RPN2: variants seen among roughly 807,000 people sequenced by gnomAD.
RPN2 encodes dolichyl-diphosphooligosaccharide--protein glycosyltransferase subunit 2.
Under a neutral mutation model 71.4 loss-of-function variants are expected in RPN2, and 29 were observed. That is an observed-to-expected ratio of 0.41 (90% CI 0.30 to 0.55). RPN2 has a LOEUF of 0.55. RPN2 is among the 20% of genes least tolerant of loss of function. The pLI, the probability that RPN2 is intolerant of heterozygous loss-of-function variation, is 0.35. For synonymous variants in RPN2, 308 were observed against 305.0 expected, an observed-to-expected ratio of 1.01 and a Z score of -0.10; for missense variants, 726 against 774.1, an observed-to-expected ratio of 0.94 and a Z score of 0.74.
chr20:37,183,524 T>C (rs1423884074), intron 1 of RPN2, among the ~76,000 whole-genome samples: 2 of 152,224 alleles, frequency 1.3e-5, no homozygotes, highest in East Asian at 3.8e-4. Flanking sequence ...CGTGTAATTG[T>C]ACCTGAGGTA....
At position 37,198,499 on chromosome 20, in the gene RPN2, C is replaced by T; in HGVS notation, c.303+7C>T. 2 of 1,614,126 alleles carry T rather than the reference C, an allele frequency of 1.2e-6. No homozygotes were observed. Among genetic ancestry groups the T allele is most frequent in the Non-Finnish European group, 1.7e-6 (2 of 1,180,032 alleles). The stretch of plus-strand genomic sequence containing the variant: ...GGCCCTCTCAGGATGTGAGGTGAGT[C>T]CGGGTTCCTACGCTGACAATGACTT... On this transcript the variant is annotated splice_region_variant and intron_variant, in intron 3 of 16. Transcript: ENST00000237530.
At chr20:37,214,188 A>C (rs559572245) in intron 9 of RPN2, among the ~76,000 whole-genome samples, 3 of 152,254 alleles carry the variant, frequency 2.0e-5, no homozygotes, top group African/African-American at 7.2e-5. Context: ...TTAAACTCTT[A>C]AAGTGTTTTG....
At chr20:37,207,943 C>G (rs2067555131) in intron 7 of RPN2, among the ~76,000 whole-genome samples, 1 of 152,088 alleles carries the variant, frequency 6.6e-6, no homozygotes, top group South Asian at 2.1e-4. Context: ...CAGGTATGAG[C>G]CACTGTGCCT....
At chr20:37,202,709 T>TTCTGG (rs1319912831) in intron 4 of RPN2, among the ~76,000 whole-genome samples, 1 of 152,176 alleles carries the variant, frequency 6.6e-6, no homozygotes, top group African/African-American at 2.4e-5. Context: ...AATATATGAA[T>TTCTGG]AAGCCATAAA....
intron 4 of RPN2, among the ~76,000 whole-genome samples, chr20:37,202,049 AG>A (rs1409815703): frequency 6.6e-6 from 1 of 152,232 alleles, no homozygotes; most frequent in East Asian, 1.9e-4. Context: ...AATTAAAGCC[AG>A]TGACAAAACT....
At chr20:37,201,308 G>T (rs1457436582) in intron 4 of RPN2, among the ~76,000 whole-genome samples, 4 of 145,892 alleles carry the variant, frequency 2.7e-5, no homozygotes, top group African/African-American at 7.7e-5. Flanking sequence ...TTGAGACAGG[G>T]TCTCACTGTG....
rs2068018956 is a variant in RPN2, at chr20:37,223,967, C to T, written c.1182C>T (p.Thr394=). Residue 394 remains threonine, a splice_region_variant and synonymous_variant, in exon 10 of 17, where the codon ACC becomes ACT. Coordinates refer to ENST00000237530, the MANE Select transcript of RPN2 (RefSeq NM_002951.5). The stretch of plus-strand genomic sequence containing the variant: ...ATCAGAGCATTGCACCCAAAACTAC[C>T]CGGTAGGTGAGATGCCACCTGATCA... ...DKDQSIAPKT[T]RVTYPAKAKG... is the part of the protein sequence containing the mutation. 2 of 1,613,664 alleles carry T rather than the reference C, an allele frequency of 1.2e-6. No individual in the cohort carries two copies. Among genetic ancestry groups the T allele is most frequent in the Middle Eastern group, 1.6e-4 (1 of 6,062 alleles).
intron 14 of RPN2, among the ~76,000 whole-genome samples, chr20:37,233,002 G>A (rs73293756): frequency 0.033 from 4,945 of 152,034 alleles, 104 homozygotes; most frequent in African/African-American, 0.045. Flanking sequence ...ATTGCTTGAA[G>A]CTCAGGTGTT....
chr20:37,206,665 T>C (rs1164646088), intron 6 of RPN2, among the ~76,000 whole-genome samples: 3 of 152,188 alleles, frequency 2.0e-5, no homozygotes, highest in African/African-American at 7.2e-5. Context: ...TAGTTTCATA[T>C]CTCAGTAGTT....
intron 8 of RPN2, among the ~76,000 whole-genome samples, chr20:37,212,902 A>G (rs2067710046): frequency 6.6e-6 from 1 of 152,208 alleles, no homozygotes; most frequent in African/African-American, 2.4e-5. Flanking sequence ...TTAAAAAGCA[A>G]AATCATTTTT....
intron 8 of RPN2, among the ~76,000 whole-genome samples, chr20:37,211,645 TAAAA>T (rs34192838): frequency 2.1e-5 from 3 of 140,370 alleles, no homozygotes; most frequent in African/African-American, 2.6e-5. Context: ...CCATCTCTAT[TAAAA>T]AAAAAAAAAA....
intron 14 of RPN2, 68 bp downstream of exon 14, chr20:37,232,459 AAGG>A: frequency 6.4e-7 from 1 of 1,572,678 alleles, no homozygotes; most frequent in South Asian, 1.1e-5. Context: ...ATTCCTTCCA[AAGG>A]AGGCTGTGTT....
intron 9 of RPN2, among the ~76,000 whole-genome samples, chr20:37,219,380 TCTTC>T (rs1185800412): frequency 1.3e-5 from 2 of 152,240 alleles, no homozygotes; most frequent in Non-Finnish European, 2.9e-5. Flanking sequence ...GGTCTTTTTT[TCTTC>T]CTTCTACAAT....
intron 2 of RPN2, among the ~76,000 whole-genome samples, chr20:37,192,970 T>TA (rs979494849): frequency 7.3e-5 from 11 of 150,962 alleles, no homozygotes; most frequent in South Asian, 4.2e-4. Flanking sequence ...CTACAAAAAG[T>TA]AAAAAAAAAT....
intron 2 of RPN2, among the ~76,000 whole-genome samples, chr20:37,187,696 A>G (rs2067041373): frequency 1.3e-5 from 2 of 151,522 alleles, no homozygotes. Flanking sequence ...GCTGGAGTGC[A>G]GTGGTGTGAT....
intron 16 of RPN2, among the ~76,000 whole-genome samples, chr20:37,240,762 A>G (rs1224829417): frequency 2.0e-5 from 3 of 152,134 alleles, no homozygotes; most frequent in Non-Finnish European, 1.5e-5. Flanking sequence ...CCCATTTTTG[A>G]GAATCTTTCT....
intron 10 of RPN2, 123 bp downstream of exon 10, chr20:37,224,092 A>C (rs1030060752): frequency 8.8e-6 from 7 of 791,108 alleles, no homozygotes; most frequent in Non-Finnish European, 1.3e-5. Flanking sequence ...TACATCCTAA[A>C]TTAAAGAGTC....
chr20:37,229,069 G>A (rs1214140081), intron 12 of RPN2, among the ~76,000 whole-genome samples: 3 of 152,256 alleles, frequency 2.0e-5, no homozygotes, highest in East Asian at 3.8e-4. Flanking sequence ...TTACGTAGAT[G>A]TGAAAGTTAA....
At chr20:37,210,771 G>T (rs55975219) in intron 8 of RPN2, among the ~76,000 whole-genome samples, 1 of 151,888 alleles carries the variant, frequency 6.6e-6, no homozygotes, top group Non-Finnish European at 1.5e-5. Context: ...ACCTCAGGTG[G>T]TCCACCTGCC....
Sources: gnomAD v4.1 joint callset for allele counts (sites outside exome capture counted in the v4.1 genomes callset) on GRCh38, gnomAD v4.1.1 for gene constraint, MANE v1.5 for transcripts, NCBI Gene and HGNC (gene_info 2026-07-23, HGNC 2026-07-21) for gene names.